The following PTPRD variants were observed in gnomAD, a reference collection of about 807,000 sequenced individuals.
PTPRD encodes the protein protein tyrosine phosphatase receptor type D.
PTPRD carries 34 observed loss-of-function variants against 214.5 expected under a neutral mutation model. The ratio of observed to expected loss-of-function variants is 0.16; its 90% confidence interval spans 0.12 to 0.21. The LOEUF (loss-of-function observed/expected upper bound fraction) is 0.21. Among genes scored for constraint, PTPRD ranks in the 10% least tolerant of loss-of-function variants. The pLI is 1.00. For missense variants in PTPRD, 2,545 were observed against 2,398.7 expected (o/e 1.06, Z -1.27); for synonymous variants, 1,128 against 845.7 (o/e 1.33, Z -5.79).
intron 4 of PTPRD, among the ~76,000 whole-genome samples, chr9:9,975,915 C>A (rs985959522): frequency 1.3e-5 from 2 of 152,134 alleles, no homozygotes; most frequent in African/African-American, 4.8e-5. Flanking sequence ...ATACAGTATC[C>A]CTCAGTAAAG....
intron 39 of PTPRD, among the ~76,000 whole-genome samples, chr9:8,375,689 A>G (rs1589022965): frequency 6.6e-6 from 1 of 151,984 alleles, no homozygotes; most frequent in Admixed American, 6.6e-5. Flanking sequence ...TTTTGTGTTT[A>G]TTTATTTCTC....
chr9:9,344,691 T>TTAAG (rs1216453864), intron 9 of PTPRD, among the ~76,000 whole-genome samples: 1 of 152,050 alleles, frequency 6.6e-6, no homozygotes, highest in Non-Finnish European at 1.5e-5. Context: ...TTTAAAAACT[T>TTAAG]TAAGTTAAAA....
chr9:10,401,929 C>G (rs1167537408), intron 2 of PTPRD, among the ~76,000 whole-genome samples: 1 of 150,744 alleles, frequency 6.6e-6, no homozygotes, highest in Non-Finnish European at 1.5e-5. Flanking sequence ...TGAATTTGCC[C>G]AAAATAAAAA....
At chr9:9,091,382 C>A (rs1219993492) in intron 10 of PTPRD, 1 of 670,266 alleles carries the variant, frequency 1.5e-6, no homozygotes, top group East Asian at 2.7e-5. Flanking sequence ...TCTCCAATCA[C>A]CTTATGACTC....
intron 3 of PTPRD, among the ~76,000 whole-genome samples, chr9:10,042,408 T>G (rs777415723): frequency 6.6e-6 from 1 of 151,922 alleles, no homozygotes; most frequent in South Asian, 2.1e-4. Context: ...GGTAGCTCTA[T>G]AGAGCTGCAG....
intron 5 of PTPRD, among the ~76,000 whole-genome samples, chr9:9,841,882 G>A (rs1292105369): frequency 6.6e-6 from 1 of 151,990 alleles, no homozygotes. Flanking sequence ...ATATCTGTTG[G>A]ATTTTTCTTC....
chr9:8,317,182 A>ATATT lies in PTPRD; in HGVS notation c.*688_*691dup, dbSNP rs1308525103. The stretch of plus-strand genomic sequence containing the variant: ...AATGTGCAAATTTTCAAATGATTTG[A>ATATT]TATTTCTACAGCAAGATATTACAGA... On this transcript the variant is annotated 3_prime_UTR_variant, in exon 46 of 46. Transcript: ENST00000381196. 4.3e-6 allele frequency: 1 copy of ATATT among 231,962 alleles called. No individual in the cohort carries two copies. Among genetic ancestry groups the ATATT allele is most frequent in the East Asian group, 6.1e-5 (1 of 16,372 alleles). The allele number at this position is 231,962 out of a possible 1,614,324, so 14.4% of individuals were successfully genotyped here.
At chr9:8,578,586 C>T (rs1317944237) in intron 14 of PTPRD, among the ~76,000 whole-genome samples, 2 of 152,136 alleles carry the variant, frequency 1.3e-5, no homozygotes, top group African/African-American at 2.4e-5. Flanking sequence ...GGTTATCAGC[C>T]AGCTATGACA....
At chr9:8,583,366 C>T (rs931008335) in intron 14 of PTPRD, among the ~76,000 whole-genome samples, 4 of 152,138 alleles carry the variant, frequency 2.6e-5, no homozygotes, top group African/African-American at 9.7e-5. Context: ...TTTTTAGAGA[C>T]AGCATGTTAG....
Position 8,518,155 on chromosome 9 carries a change from G to A in PTPRD, c.1236C>T (p.Thr412=), listed in dbSNP as rs2138529682. 4 of 1,614,156 alleles carry A rather than the reference G, an allele frequency of 2.5e-6. No individual in the cohort carries two copies. The highest frequency in any genetic ancestry group is 2.5e-6 in the Non-Finnish European group (3 of 1,180,026). The stretch of plus-strand genomic sequence containing the variant: ...GGGCACTGGATGGTGCTTGCTCTGA[G>A]GTTTGTGTTAGCACAGGTTCGCTGG... The part of the protein sequence containing the change: ...GPPSEPVLTQ[T]SEQAPSSAPR... The change falls in exon 21 of 46, where the codon ACC becomes ACT. Residue 412 remains threonine, a synonymous_variant. Transcript: ENST00000381196.
At chr9:9,821,187 G>T (rs1414833831) in intron 5 of PTPRD, among the ~76,000 whole-genome samples, 9 of 152,032 alleles carry the variant, frequency 5.9e-5, no homozygotes. Flanking sequence ...TATAAATGGT[G>T]TTGCATTCTT....
At chr9:10,316,166 T>TAC (rs2096420213) in intron 3 of PTPRD, among the ~76,000 whole-genome samples, 2 of 135,096 alleles carry the variant, frequency 1.5e-5, no homozygotes, top group African/African-American at 6.0e-5. Context: ...TGTATATCTA[T>TAC]GTATATATAC....
At chr9:8,340,566 G>T in intron 41 of PTPRD, 97 bp from the exon 42 acceptor site, 1 of 1,207,398 alleles carries the variant, frequency 8.3e-7, no homozygotes. Context: ...AATAAAAAAC[G>T]AAAACATATT....
intron 4 of PTPRD, among the ~76,000 whole-genome samples, chr9:9,976,257 A>G (rs1195765681): frequency 1.3e-5 from 2 of 152,154 alleles, no homozygotes; most frequent in African/African-American, 4.8e-5. Context: ...CAAAATAGAA[A>G]CTTAACTCCC....
chr9:9,517,172 G>A (rs1270481760), intron 8 of PTPRD, among the ~76,000 whole-genome samples: 1 of 151,956 alleles, frequency 6.6e-6, no homozygotes, highest in East Asian at 1.9e-4. Flanking sequence ...CATAACTTGT[G>A]AGGCACTGTG....
At chr9:9,951,006 A>G (rs140890792) in intron 4 of PTPRD, among the ~76,000 whole-genome samples, 18 of 152,262 alleles carry the variant, frequency 1.2e-4, no homozygotes, top group African/African-American at 4.1e-4. Context: ...ACTGGTATGA[A>G]AGTAACAAGA....
chr9:8,347,273 C>G (rs975416287), intron 39 of PTPRD, among the ~76,000 whole-genome samples: 1 of 152,094 alleles, frequency 6.6e-6, no homozygotes, highest in Non-Finnish European at 1.5e-5. Context: ...AGCATCCATT[C>G]CCACCATCCA....
intron 9 of PTPRD, among the ~76,000 whole-genome samples, chr9:9,258,946 T>C (rs567321766): frequency 6.6e-6 from 1 of 152,048 alleles, no homozygotes; most frequent in South Asian, 2.1e-4. Flanking sequence ...ATTGATTCAT[T>C]TTAACAGTGT....
chr9:9,622,102 G>C (rs1350698621), intron 7 of PTPRD, among the ~76,000 whole-genome samples: 2 of 152,074 alleles, frequency 1.3e-5, no homozygotes, highest in African/African-American at 4.8e-5. Flanking sequence ...GAAAGTATTA[G>C]GGAACAAGAA....
Sources: allele counts gnomAD v4.1 joint callset (sites outside exome capture counted in the v4.1 genomes callset), GRCh38; gene constraint gnomAD v4.1.1; transcripts MANE v1.5; gene names NCBI Gene and HGNC (gene_info 2026-07-23, HGNC 2026-07-21).